The following TAMM41 variants were observed in gnomAD, a reference collection of about 807,000 sequenced individuals.
TAMM41 encodes the protein TAM41 mitochondrial translocator assembly and maintenance homolog.
A neutral mutation model predicts 44.1 loss-of-function variants in TAMM41; 36 were observed. The ratio of observed to expected loss-of-function variants is 0.82; its 90% confidence interval spans 0.63 to 1.08. The LOEUF is 1.08. TAMM41 is among the 50% of genes least tolerant of loss of function. The probability of loss-of-function intolerance (pLI) is 0.00; values close to 1 mark genes in which losing one functional copy is unlikely to be tolerated. For missense variants in TAMM41, 417 were observed against 404.3 expected (o/e 1.03, Z -0.27); for synonymous variants, 164 against 153.1 (o/e 1.07, Z -0.53).
At chr3:11,742,585 C>T in the TAMM41 span, among the ~76,000 whole-genome samples, 3 of 147,272 alleles carry the variant, frequency 2.0e-5, no homozygotes, top group African/African-American at 7.8e-5. Context: ...ATGCCCATCG[C>T]TTGCTTTTTT....
chr3:11,728,383 G>C, the TAMM41 span, among the ~76,000 whole-genome samples: 208 of 152,342 alleles, frequency 1.4e-3, 1 homozygote, highest in Middle Eastern at 6.8e-3. Flanking sequence ...GTCCTCTACT[G>C]CTCAGAAATA....
the TAMM41 span, among the ~76,000 whole-genome samples, chr3:11,741,695 T>G: frequency 6.6e-6 from 1 of 150,422 alleles, no homozygotes; most frequent in African/African-American, 2.5e-5. Context: ...CTTGGCAACT[T>G]CAGCATATGA....
chr3:11,757,338 C>T, the TAMM41 span, among the ~76,000 whole-genome samples: 1 of 152,234 alleles, frequency 6.6e-6, no homozygotes, highest in East Asian at 1.9e-4. Flanking sequence ...AGTTTGAAAA[C>T]CAGGGAACAA....
chr3:11,752,582 C>G, the TAMM41 span, among the ~76,000 whole-genome samples: 2 of 148,426 alleles, frequency 1.3e-5, no homozygotes, highest in Non-Finnish European at 1.5e-5. Flanking sequence ...CCACTCGACC[C>G]AGGAAGTCCA....
intron 1 of TAMM41, 76 bp downstream of exon 1, chr3:11,846,426 G>A (rs2079694167): frequency 6.4e-7 from 1 of 1,554,462 alleles, no homozygotes; most frequent in Admixed American, 1.7e-5. Flanking sequence ...GCAGCTCTCC[G>A]ACTCTGAAGG....
At chr3:11,826,712 AG>A (rs10716281) in intron 4 of TAMM41, 152,228 of 152,228 alleles carry the variant, frequency 1, 76,114 homozygotes, top group Non-Finnish European at 1. Context: ...GAAAGGTTCA[AG>A]ATACCTTTAG....
At chr3:11,769,237 G>A in the TAMM41 span, among the ~76,000 whole-genome samples, 2 of 152,112 alleles carry the variant, frequency 1.3e-5, no homozygotes, top group African/African-American at 4.8e-5. Flanking sequence ...TTACAGGTGT[G>A]TGCCACCACG....
the TAMM41 span, among the ~76,000 whole-genome samples, chr3:11,766,940 TAGAG>T: frequency 2.0e-5 from 3 of 152,184 alleles, no homozygotes; most frequent in African/African-American, 4.8e-5. Context: ...TAATAAATGA[TAGAG>T]AGTGATCCCA....
Position 11,841,748 on chromosome 3 carries a change from C to T in TAMM41, c.318+2281G>A, listed in dbSNP as rs76442717. The stretch of plus-strand genomic sequence containing the variant: ...AGCCTTTTCCCCCCAACTCCAGCAG[C>T]AGCACTGCAGAAAGCCCTTCTAGCT... On this transcript the variant is annotated intron_variant, in intron 2 of 7. Transcript: ENST00000455809. Among the ~76,000 whole-genome samples the T allele has an allele frequency of 4.5e-3, 689 of 152,320 alleles. 6 individuals are homozygous for T. Among genetic ancestry groups the T allele is most frequent in the African/African-American group, 0.016 (664 of 41,552 alleles).
the TAMM41 span, among the ~76,000 whole-genome samples, chr3:11,770,646 G>C: frequency 1.3e-5 from 2 of 152,154 alleles, no homozygotes; most frequent in African/African-American, 4.8e-5. Flanking sequence ...ATAATAGGAA[G>C]GTCAGGAACG....
intron 6 of TAMM41, chr3:11,808,494 T>C: frequency 1.0e-6 from 1 of 985,892 alleles, no homozygotes; most frequent in Non-Finnish European, 1.2e-6. Context: ...GTGGAGCGCC[T>C]GCTGCAGCTC....
chr3:11,724,405 T>A, the TAMM41 span, among the ~76,000 whole-genome samples: 1,462 of 139,824 alleles, frequency 0.01, 70 homozygotes, highest in African/African-American at 0.037. Flanking sequence ...ACCTGGCCTA[T>A]TTTTTATTTT....
At chr3:11,743,435 A>G in the TAMM41 span, among the ~76,000 whole-genome samples, 1 of 151,532 alleles carries the variant, frequency 6.6e-6, no homozygotes, top group African/African-American at 2.4e-5. Context: ...CAGGGTTCAA[A>G]TGATTCTTGT....
chr3:11,798,456 A>G (rs2077664642), intron 7 of TAMM41, among the ~76,000 whole-genome samples: 1 of 152,142 alleles, frequency 6.6e-6, no homozygotes, highest in Non-Finnish European at 1.5e-5. Flanking sequence ...ATGAGAACAC[A>G]CAGGACACAT....
the TAMM41 span, among the ~76,000 whole-genome samples, chr3:11,740,738 G>C: frequency 1.3e-5 from 2 of 151,668 alleles, no homozygotes; most frequent in Non-Finnish European, 1.5e-5. Context: ...GCTGATTTTT[G>C]TATTTTTAGT....
the TAMM41 span, among the ~76,000 whole-genome samples, chr3:11,780,797 A>T: frequency 1.3e-4 from 20 of 152,200 alleles, no homozygotes; most frequent in Non-Finnish European, 2.9e-4. Context: ...GCATTGTAAG[A>T]TCCTTAGAAT....
chr3:11,732,903 T>G, the TAMM41 span, among the ~76,000 whole-genome samples: 16 of 151,994 alleles, frequency 1.1e-4, no homozygotes, highest in African/African-American at 2.9e-4. Flanking sequence ...GGAAGTGGTC[T>G]GGCTGTGGTA....
chr3:11,783,423 C>T, the TAMM41 span, among the ~76,000 whole-genome samples: 24,790 of 152,074 alleles, frequency 0.16, 3,907 homozygotes, highest in East Asian at 0.61. Flanking sequence ...CAAAGCTTTT[C>T]CCAGGATCAC....
At chr3:11,748,349 C>G in the TAMM41 span, among the ~76,000 whole-genome samples, 47 of 152,098 alleles carry the variant, frequency 3.1e-4, 4 homozygotes, top group South Asian at 9.8e-3. Flanking sequence ...GTGGCATGAT[C>G]TCGGCTCACT....
Sources: allele counts gnomAD v4.1 joint callset (sites outside exome capture counted in the v4.1 genomes callset), GRCh38; gene constraint gnomAD v4.1.1; transcripts MANE v1.5; gene names NCBI Gene and HGNC (gene_info 2026-07-23, HGNC 2026-07-21).